The following GGTA1 variants were observed in gnomAD, a reference collection of about 807,000 sequenced individuals.
The protein encoded by GGTA1 is glycoprotein alpha-galactosyltransferase 1 (inactive), also known as inactive N-acetyllactosaminide alpha-1,3-galactosyltransferase.
Under a neutral mutation model 2.6 loss-of-function variants are expected in GGTA1, and 5 were observed. The ratio of observed to expected loss-of-function variants is 1.92; its 90% confidence interval spans 1.00 to 4.04. The LOEUF (loss-of-function observed/expected upper bound fraction) is 4.04, where lower values mean the gene tolerates loss of function less well. Among genes scored for constraint, GGTA1 ranks in the 30% most tolerant of loss-of-function variants. The pLI, the probability that GGTA1 is intolerant of heterozygous loss-of-function variation, is 0.00. For synonymous variants in GGTA1, 17 were observed against 5.0 expected (o/e 3.38, Z -3.19); for missense variants, 50 against 16.7 (o/e 2.99, Z -3.47).
At chr9:121,451,250 A>C (rs2064876730), downstream of GGTA1, among the ~76,000 whole-genome samples, 1 of 152,056 alleles carries the variant, frequency 6.6e-6, no homozygotes, top group African/African-American at 2.4e-5. Flanking sequence ...CAGGGGCGTG[A>C]TCTCAGCTCA....
At chr9:121,456,505 C>T (rs1168528604) in intron 5 of GGTA1, among the ~76,000 whole-genome samples, 1 of 152,044 alleles carries the variant, frequency 6.6e-6, no homozygotes, top group Non-Finnish European at 1.5e-5. Context: ...GCAACCTCTG[C>T]CTCCTGGGTT....
At chr9:121,489,637 A>G (rs1388824513) in intron 1 of GGTA1, among the ~76,000 whole-genome samples, 1 of 152,240 alleles carries the variant, frequency 6.6e-6, no homozygotes, top group Non-Finnish European at 1.5e-5. Context: ...CACTATAGAA[A>G]TTGGCAAAGA....
chr9:121,478,229 C>T (rs778991125), intron 1 of GGTA1, among the ~76,000 whole-genome samples: 6 of 152,166 alleles, frequency 3.9e-5, no homozygotes, highest in Non-Finnish European at 7.3e-5. Context: ...TGCTGTGGGG[C>T]CAGCTCTTCC....
At chr9:121,490,133 C>G (rs1003192912) in intron 1 of GGTA1, among the ~76,000 whole-genome samples, 1 of 152,156 alleles carries the variant, frequency 6.6e-6, no homozygotes, top group Non-Finnish European at 1.5e-5. Context: ...TTCTCTTTCC[C>G]TCGAGGACAT....
chr9:121,466,603 G>A (rs956566131), intron 2 of GGTA1, among the ~76,000 whole-genome samples: 11 of 152,062 alleles, frequency 7.2e-5, no homozygotes, highest in African/African-American at 2.2e-4. Flanking sequence ...CTAAAGGCAC[G>A]GTTCCATTTT....
At position 121,497,955 on chromosome 9, in the gene GGTA1, A is replaced by G. The variant is rs143690100; in HGVS notation, c.-10+1695T>C. 1.3e-3 allele frequency among the ~76,000 whole-genome samples: 197 copies of G among 152,272 alleles called. 3 individuals are homozygous for G. In the East Asian group the frequency reaches 0.026, roughly 20 times the overall value. ...CAGCTCCTAGCCTATGATTTAGGGG[A>G]CAGGTCTCCTGGTAAGGTGTGGCCA... On this transcript the variant is annotated intron_variant, in intron 1 of 5. Transcript: ENST00000481799.
At chr9:121,497,052 G>GT (rs1554838799) in intron 1 of GGTA1, among the ~76,000 whole-genome samples, 2 of 152,036 alleles carry the variant, frequency 1.3e-5, no homozygotes, top group Non-Finnish European at 2.9e-5. Flanking sequence ...AATTAGCTGG[G>GT]TATGGTGGTG....
intron 1 of GGTA1, among the ~76,000 whole-genome samples, chr9:121,493,846 T>A (rs993692075): frequency 1.5e-5 from 2 of 137,260 alleles, no homozygotes; most frequent in African/African-American, 2.7e-5. Flanking sequence ...AACCTCCACC[T>A]CCCGAGTTCA....
chr9:121,483,709 A>G (rs1828700456), intron 1 of GGTA1, among the ~76,000 whole-genome samples: 1 of 152,146 alleles, frequency 6.6e-6, no homozygotes, highest in South Asian at 2.1e-4. Flanking sequence ...TTGGAGAATT[A>G]TAGGGCCTCA....
At chr9:121,459,006 G>A (rs1052316557) in intron 5 of GGTA1, among the ~76,000 whole-genome samples, 2 of 152,180 alleles carry the variant, frequency 1.3e-5, no homozygotes, top group Non-Finnish European at 2.9e-5. Context: ...GCATTTCAGA[G>A]ATGCCTACCC....
At chr9:121,499,441 G>A (rs1313812907) in intron 1 of GGTA1, among the ~76,000 whole-genome samples, 1 of 152,166 alleles carries the variant, frequency 6.6e-6, no homozygotes, top group Non-Finnish European at 1.5e-5. Flanking sequence ...ACGGCCACAG[G>A]ATGGGGACAG....
intron 4 of GGTA1, among the ~76,000 whole-genome samples, chr9:121,461,000 C>T (rs1374222409): frequency 6.6e-6 from 1 of 152,130 alleles, no homozygotes; most frequent in East Asian, 1.9e-4. Context: ...TCACTTGAGC[C>T]CAAGAGTTTG....
At chr9:121,471,009 G>A (rs1462173067) in intron 1 of GGTA1, among the ~76,000 whole-genome samples, 1 of 152,224 alleles carries the variant, frequency 6.6e-6, no homozygotes, top group Non-Finnish European at 1.5e-5. Flanking sequence ...GCGGTTACAA[G>A]GTTACCTTGT....
At chr9:121,457,427 G>A (rs183062627) in intron 5 of GGTA1, among the ~76,000 whole-genome samples, 28 of 152,272 alleles carry the variant, frequency 1.8e-4, no homozygotes, top group African/African-American at 5.5e-4. Context: ...TAAGCCGGGC[G>A]TGGTGGCTCA....
rs190020298 is a variant in GGTA1 at position 121,457,557 on chromosome 9, C to T, written c.299-1716G>A. Among the ~76,000 whole-genome samples, 618 of 151,908 alleles carry T rather than the reference C, an allele frequency of 4.1e-3. 2 individuals are homozygous for T. The highest frequency in any genetic ancestry group is 5.6e-3 in the Non-Finnish European group (383 of 67,960). On this transcript the variant is annotated intron_variant, in intron 5 of 5. Transcript: ENST00000481799. ...CTAATAAAAATACAAAAAAATTAGC[C>T]GGGTGCAGTGGCGGGCGCCTGTAGT...
Position 121,457,062 on chromosome 9 carries a change from G to A in GGTA1, c.299-1221C>T, listed in dbSNP as rs115219335. On this transcript the variant is annotated intron_variant, in intron 5 of 5. Coordinates refer to ENST00000481799, the MANE Select transcript of GGTA1 (RefSeq NM_001382585.1). ...AGCTGATGGCAACATGAACAGGGAT[G>A]GCATAGCGGCTGTCGAGTGGAGAGA... is the stretch of plus-strand genomic sequence containing the variant. Among the ~76,000 whole-genome samples the A allele has an allele frequency of 3.6e-3, 553 of 152,314 alleles. 4 individuals are homozygous for A. The highest frequency in any genetic ancestry group is 0.013 in the African/African-American group (527 of 41,560).
chr9:121,469,547 A>G (rs12002998), intron 1 of GGTA1, among the ~76,000 whole-genome samples: 48,781 of 152,080 alleles, frequency 0.32, 8,108 homozygotes, highest in Middle Eastern at 0.4. Flanking sequence ...TGTGGAGGGT[A>G]GATCAGAGCT....
chr9:121,482,718 A>G (rs1392760510), intron 1 of GGTA1, among the ~76,000 whole-genome samples: 4 of 152,106 alleles, frequency 2.6e-5, no homozygotes, highest in African/African-American at 9.7e-5. Context: ...GCGGTGAGCC[A>G]AGATTGTGCC....
chr9:121,462,511 G>A lies in GGTA1; in HGVS notation c.116+782C>T, dbSNP rs1442195236. On this transcript the variant is annotated intron_variant, in intron 3 of 5. Coordinates refer to ENST00000481799, the MANE Select transcript of GGTA1 (RefSeq NM_001382585.1). ...AAGTGTTTGAGATGGCTTCCAATAC[G>A]TAGGTACAATAAACAGAAAAACAAC... 5.3e-5 allele frequency: 8 copies of A among 152,182 alleles called. No individual in the cohort carries two copies. The East Asian group carries it at 5.8e-4, about 11-fold the overall frequency. The allele number at this position is 152,182 out of a possible 1,614,324, so 9.4% of individuals were successfully genotyped here. A position where few individuals can be genotyped will look rare whatever the true frequency, so the allele number is the denominator to read the frequency against.
Sources: allele counts gnomAD v4.1 joint callset (sites outside exome capture counted in the v4.1 genomes callset), GRCh38; gene constraint gnomAD v4.1.1; transcripts MANE v1.5; gene names NCBI Gene and HGNC (gene_info 2026-07-23, HGNC 2026-07-21).